TPST1: variants seen among roughly 807,000 people sequenced by gnomAD.
TPST1 encodes the protein tyrosylprotein sulfotransferase 1, also known as protein-tyrosine sulfotransferase 1.
Under a neutral mutation model 34.8 loss-of-function variants are expected in TPST1, and 20 were observed. That is an observed-to-expected ratio of 0.57 (90% CI 0.40 to 0.84). TPST1 has a LOEUF of 0.84. Ranked by LOEUF, TPST1 falls within the 40% of genes least tolerant of loss-of-function variation. The pLI is 0.00. For synonymous variants in TPST1, 152 were observed against 159.4 expected, an observed-to-expected ratio of 0.95 and a Z score of 0.35; for missense variants, 353 against 455.5, an observed-to-expected ratio of 0.78 and a Z score of 2.05.
At chr7:66,216,710 TG>T (rs1389052455) in intron 1 of TPST1, among the ~76,000 whole-genome samples, 2 of 152,188 alleles carry the variant, frequency 1.3e-5, no homozygotes, top group African/African-American at 2.4e-5. Context: ...CCTCGTGATC[TG>T]CGTGCCTCAG....
At chr7:66,334,461 C>T (rs1017609844) in intron 3 of TPST1, among the ~76,000 whole-genome samples, 11 of 151,654 alleles carry the variant, frequency 7.3e-5, no homozygotes, top group South Asian at 2.1e-4. Context: ...CATGGTGAAA[C>T]GCCGTCTCTA....
intron 3 of TPST1, among the ~76,000 whole-genome samples, chr7:66,340,401 C>T (rs1435155933): frequency 1.3e-5 from 2 of 151,956 alleles, no homozygotes; most frequent in Non-Finnish European, 2.9e-5. Context: ...AGCAATTAGG[C>T]AAGAGAAAGA....
chr7:66,340,498 A>C (rs1476884908), intron 3 of TPST1, among the ~76,000 whole-genome samples: 2 of 152,016 alleles, frequency 1.3e-5, no homozygotes, highest in Non-Finnish European at 2.9e-5. Flanking sequence ...AAACCTGAAG[A>C]CTCCTCCAAA....
intron 1 of TPST1, among the ~76,000 whole-genome samples, chr7:66,218,761 G>A (rs1323449439): frequency 6.6e-6 from 1 of 151,976 alleles, no homozygotes; most frequent in Non-Finnish European, 1.5e-5. Context: ...GCAGGAGAAC[G>A]GCATGAACTT....
chr7:66,216,864 G>A (rs1349804965), intron 1 of TPST1, among the ~76,000 whole-genome samples: 1 of 152,210 alleles, frequency 6.6e-6, no homozygotes, highest in Non-Finnish European at 1.5e-5. Flanking sequence ...TTCCCTCATA[G>A]CACTGCTTTT....
At chr7:66,309,430 T>C (rs1440879627) in intron 3 of TPST1, among the ~76,000 whole-genome samples, 1 of 152,216 alleles carries the variant, frequency 6.6e-6, no homozygotes, top group East Asian at 1.9e-4. Flanking sequence ...CTAACATTCT[T>C]AGGATTCATT....
intron 3 of TPST1, among the ~76,000 whole-genome samples, chr7:66,340,728 C>T (rs1421119158): frequency 2.0e-5 from 3 of 152,122 alleles, no homozygotes; most frequent in African/African-American, 7.2e-5. Context: ...AGACTGATGA[C>T]AGAAATTGAA....
intron 2 of TPST1, among the ~76,000 whole-genome samples, chr7:66,247,928 T>C (rs1323294720): frequency 5.9e-5 from 9 of 152,206 alleles, no homozygotes; most frequent in Non-Finnish European, 1.2e-4. Context: ...GACCATATAA[T>C]GGAAGTCAGC....
intron 2 of TPST1, among the ~76,000 whole-genome samples, chr7:66,243,144 G>T (rs1215034060): frequency 6.6e-6 from 1 of 150,584 alleles, no homozygotes; most frequent in East Asian, 2.0e-4. Flanking sequence ...TGGATGACAA[G>T]GGGTGTGTGT....
intron 1 of TPST1, among the ~76,000 whole-genome samples, chr7:66,206,936 C>G (rs915700319): frequency 1.3e-5 from 2 of 152,134 alleles, no homozygotes; most frequent in Non-Finnish European, 2.9e-5. Flanking sequence ...CCCTCTCCCT[C>G]CCCCTCTCCA....
intron 2 of TPST1, among the ~76,000 whole-genome samples, chr7:66,267,545 C>T (rs1270319533): frequency 6.6e-6 from 1 of 152,050 alleles, no homozygotes; most frequent in African/African-American, 2.4e-5. Context: ...GACAAAACCA[C>T]AGCAGAACTG....
chr7:66,266,910 G>A (rs1172550933), intron 2 of TPST1, among the ~76,000 whole-genome samples: 1 of 152,116 alleles, frequency 6.6e-6, no homozygotes, highest in Non-Finnish European at 1.5e-5. Flanking sequence ...CTGTTGAGGG[G>A]CTAGAAATGA....
upstream of TPST1, among the ~76,000 whole-genome samples, chr7:66,203,603 T>A (rs1008871759): frequency 2.0e-5 from 3 of 151,736 alleles, no homozygotes; most frequent in Non-Finnish European, 4.4e-5. Context: ...CTCCTGCCTC[T>A]GCCTCCCGAG....
chr7:66,275,073 A>G (rs1489020903), intron 2 of TPST1, among the ~76,000 whole-genome samples: 1 of 152,170 alleles, frequency 6.6e-6, no homozygotes, highest in Non-Finnish European at 1.5e-5. Flanking sequence ...GGGTGCCTGT[A>G]GTCCCAGCTA....
At chr7:66,343,392 G>A (rs1792279146) in intron 3 of TPST1, among the ~76,000 whole-genome samples, 1 of 152,080 alleles carries the variant, frequency 6.6e-6, no homozygotes, top group Admixed American at 6.5e-5. Context: ...AGTAGACACT[G>A]GGTACTGCAA....
At chr7:66,306,355 C>T (rs541173669) in intron 3 of TPST1, among the ~76,000 whole-genome samples, 2 of 152,286 alleles carry the variant, frequency 1.3e-5, no homozygotes, top group South Asian at 2.1e-4. Context: ...TGGGTTTGTC[C>T]TGTGCATGTG....
At chr7:66,252,546 G>T (rs1240541824) in intron 2 of TPST1, among the ~76,000 whole-genome samples, 1 of 150,938 alleles carries the variant, frequency 6.6e-6, no homozygotes. Context: ...TGTTAGCCAG[G>T]ATGATCTCGA....
At chr7:66,254,515 T>C (rs1174833132) in intron 2 of TPST1, among the ~76,000 whole-genome samples, 9 of 152,168 alleles carry the variant, frequency 5.9e-5, no homozygotes, top group Non-Finnish European at 1.0e-4. Context: ...GAGATTCTCC[T>C]GCCTCAGCCT....
Position 66,240,480 on chromosome 7 carries a change from G to A in TPST1, c.55G>A (p.Val19Met). 1 of 1,614,196 alleles carries A rather than the reference G, an allele frequency of 6.2e-7. No individual in the cohort carries two copies. Among genetic ancestry groups the A allele is most frequent in the Non-Finnish European group, 8.5e-7 (1 of 1,180,040 alleles). Reference sequence around the variant, plus strand: ...ATTGGCATGTCTGGTGATTAGTTCTGTGACTGTGTTTTACCTGGGCCAGCA... The same window carrying A: ...ATTGGCATGTCTGGTGATTAGTTCTATGACTGTGTTTTACCTGGGCCAGCA... ...LLLACLVISSVTVFYLGQHAM... is the reference protein window; with the variant it reads ...LLLACLVISSMTVFYLGQHAM... The change falls in exon 2 of 6, where the codon GTG becomes ATG. Residue 19 changes from valine (V) to methionine (M), a missense_variant. By Grantham distance (21) the Val-to-Met change is conservative. Coordinates refer to ENST00000304842, the MANE Select transcript of TPST1 (RefSeq NM_003596.4).
Sources: allele counts gnomAD v4.1 joint callset (sites outside exome capture counted in the v4.1 genomes callset), GRCh38; gene constraint gnomAD v4.1.1; transcripts MANE v1.5; gene names NCBI Gene and HGNC (gene_info 2026-07-23, HGNC 2026-07-21).